MGAT5: variants seen among roughly 807,000 people sequenced by gnomAD.
MGAT5 encodes alpha-1,6-mannosylglycoprotein 6-beta-N-acetylglucosaminyltransferase.
A neutral mutation model predicts 94.3 loss-of-function variants in MGAT5; 30 were observed. That is an observed-to-expected ratio of 0.32 (90% CI 0.24 to 0.43). MGAT5 has a LOEUF of 0.43. MGAT5 is among the 20% of genes least tolerant of loss of function. The pLI is 1.00. For synonymous variants in MGAT5, 310 were observed against 322.9 expected, an observed-to-expected ratio of 0.96 and a Z score of 0.43; for missense variants, 691 against 905.5, an observed-to-expected ratio of 0.76 and a Z score of 3.04.
intron 1 of MGAT5, among the ~76,000 whole-genome samples, chr2:134,220,562 GC>G (rs1043879587): frequency 1.3e-5 from 2 of 152,192 alleles, no homozygotes; most frequent in African/African-American, 4.8e-5. Flanking sequence ...AGCCCATTGT[GC>G]CCCATCTACA....
chr2:134,368,073 G>A (rs1680547905), intron 10 of MGAT5, among the ~76,000 whole-genome samples: 1 of 152,176 alleles, frequency 6.6e-6, no homozygotes, highest in Non-Finnish European at 1.5e-5. Context: ...CCAGGGTCAG[G>A]CTCTGACCTC....
At position 134,138,824 on chromosome 2, in the gene MGAT5, A is replaced by T. The variant is rs572882096; in HGVS notation, c.-143+18533A>T. ...CATATAATTTATCATCCAAATCAGG[A>T]TGCTTTTGAGAGTGAAGAGGGGTGC... On this transcript the variant is annotated intron_variant, in intron 1 of 16. Transcript: ENST00000409645. Among the ~76,000 whole-genome samples, 4 of 152,166 alleles carry T rather than the reference A, an allele frequency of 2.6e-5. No homozygotes were observed. The South Asian group carries it at 8.3e-4, about 32-fold the overall frequency.
chr2:134,134,044 A>G (rs1284981679), intron 1 of MGAT5, among the ~76,000 whole-genome samples: 4 of 152,210 alleles, frequency 2.6e-5, no homozygotes, highest in African/African-American at 4.8e-5. Context: ...CATAGGAACA[A>G]TGGGGATGCA....
intron 15 of MGAT5, among the ~76,000 whole-genome samples, chr2:134,445,504 G>A (rs1394981805): frequency 2.0e-5 from 3 of 152,126 alleles, no homozygotes; most frequent in African/African-American, 4.8e-5. Context: ...CCTGTCCAGC[G>A]CATCCTGTCC....
At chr2:134,383,542 G>A (rs1181564173) in intron 10 of MGAT5, among the ~76,000 whole-genome samples, 1 of 152,032 alleles carries the variant, frequency 6.6e-6, no homozygotes, top group Non-Finnish European at 1.5e-5. Flanking sequence ...GTTCCTGCTG[G>A]CTGCCCCAGG....
chr2:134,179,328 C>T (rs1000264476), intron 1 of MGAT5, among the ~76,000 whole-genome samples: 5 of 152,026 alleles, frequency 3.3e-5, no homozygotes, highest in Admixed American at 6.6e-5. Flanking sequence ...TTCATGCAGG[C>T]GTAAGTTGTA....
chr2:134,137,254 G>C (rs141517810), intron 1 of MGAT5, among the ~76,000 whole-genome samples: 1 of 152,194 alleles, frequency 6.6e-6, no homozygotes, highest in East Asian at 1.9e-4. Flanking sequence ...TCCTGTTGGC[G>C]TATGGCTTTG....
At chr2:134,334,050 C>T (rs560032948) in intron 4 of MGAT5, among the ~76,000 whole-genome samples, 5 of 152,098 alleles carry the variant, frequency 3.3e-5, no homozygotes, top group African/African-American at 9.7e-5. Context: ...CCCACCATTA[C>T]GAGTGCATGT....
At chr2:134,199,913 AC>A (rs1679694087) in intron 1 of MGAT5, among the ~76,000 whole-genome samples, 4 of 152,108 alleles carry the variant, frequency 2.6e-5, no homozygotes, top group Admixed American at 2.6e-4. Flanking sequence ...GCAAGAATGA[AC>A]ATGCTTCTTG....
At chr2:134,200,116 G>A (rs1679708859) in intron 1 of MGAT5, among the ~76,000 whole-genome samples, 1 of 152,050 alleles carries the variant, frequency 6.6e-6, no homozygotes, top group Admixed American at 6.6e-5. Context: ...GACTATTTTA[G>A]CTGGTGTCCC....
chr2:134,351,607 C>A (rs574791225), intron 9 of MGAT5, among the ~76,000 whole-genome samples: 1 of 152,204 alleles, frequency 6.6e-6, no homozygotes, highest in South Asian at 2.1e-4. Flanking sequence ...AAGAAATTCA[C>A]TGCTTAAAAT....
chr2:134,326,438 T>A (rs1687653833), intron 4 of MGAT5, among the ~76,000 whole-genome samples: 1 of 152,082 alleles, frequency 6.6e-6, no homozygotes, highest in Non-Finnish European at 1.5e-5. Context: ...ATAGTTTTCT[T>A]GTTCTGTGGT....
intron 1 of MGAT5, among the ~76,000 whole-genome samples, chr2:134,208,346 C>T (rs937614089): frequency 2.0e-5 from 3 of 152,182 alleles, no homozygotes; most frequent in Admixed American, 2.0e-4. Flanking sequence ...GCAACAAATA[C>T]TTAACTATTA....
chr2:134,122,457 T>C (rs1265683861), intron 1 of MGAT5, among the ~76,000 whole-genome samples: 2 of 152,174 alleles, frequency 1.3e-5, no homozygotes, highest in Non-Finnish European at 2.9e-5. Flanking sequence ...AGTTTAGTTT[T>C]TTTCTCTTGC....
intron 1 of MGAT5, among the ~76,000 whole-genome samples, chr2:134,203,101 T>C (rs1346471843): frequency 1.3e-5 from 2 of 152,246 alleles, no homozygotes; most frequent in African/African-American, 4.8e-5. Flanking sequence ...TAATAACTTG[T>C]AAAGTTCAGA....
At chr2:134,265,860 G>A (rs1004635452) in intron 1 of MGAT5, among the ~76,000 whole-genome samples, 2 of 151,938 alleles carry the variant, frequency 1.3e-5, no homozygotes, top group Non-Finnish European at 2.9e-5. Context: ...TGAACAAAAG[G>A]GTTACCATTA....
At chr2:134,197,446 T>C (rs772143271) in intron 1 of MGAT5, among the ~76,000 whole-genome samples, 11 of 152,218 alleles carry the variant, frequency 7.2e-5, no homozygotes, top group Non-Finnish European at 8.8e-5. Context: ...AAAGCTTGTA[T>C]TTTCAGGTGG....
intron 4 of MGAT5, among the ~76,000 whole-genome samples, chr2:134,325,329 G>A (rs1283384328): frequency 6.6e-6 from 1 of 152,052 alleles, no homozygotes; most frequent in Non-Finnish European, 1.5e-5. Flanking sequence ...ATCGTCTCAT[G>A]TAATTTCTAT....
intron 11 of MGAT5, among the ~76,000 whole-genome samples, chr2:134,412,471 T>A (rs140750365): frequency 2.6e-5 from 4 of 152,242 alleles, no homozygotes; most frequent in South Asian, 2.1e-4. Flanking sequence ...TGAAGAAACC[T>A]TCTGTGTAGT....
Sources: allele counts gnomAD v4.1 joint callset (sites outside exome capture counted in the v4.1 genomes callset), GRCh38; gene constraint gnomAD v4.1.1; transcripts MANE v1.5; gene names NCBI Gene and HGNC (gene_info 2026-07-23, HGNC 2026-07-21).